ADAMTSL1: variants seen among roughly 807,000 people sequenced by gnomAD.
The protein encoded by ADAMTSL1 is ADAMTS like 1.
In ADAMTSL1, 126 loss-of-function variants were observed where a neutral mutation model predicts 201.8. That is an observed-to-expected ratio of 0.62 (90% confidence interval 0.54 to 0.72). The LOEUF is 0.72. Ranked by LOEUF, ADAMTSL1 falls within the 30% of genes least tolerant of loss-of-function variation. The pLI, the probability that ADAMTSL1 is intolerant of heterozygous loss-of-function variation, is 0.00. For synonymous variants in ADAMTSL1, 1,121 were observed against 903.4 expected, an observed-to-expected ratio of 1.24 and a Z score of -4.32; for missense variants, 2,679 against 2,277.8, an observed-to-expected ratio of 1.18 and a Z score of -3.59.
intron 14 of ADAMTSL1, 107 bp downstream of exon 14, chr9:18,707,155 G>A (rs1832280876): frequency 3.0e-6 from 4 of 1,348,090 alleles, no homozygotes; most frequent in Admixed American, 2.5e-5. Context: ...ATGATAAGCA[G>A]GAGGAGGAGG....
At chr9:18,057,742 A>T (rs1822262480) in intron 1 of ADAMTSL1, among the ~76,000 whole-genome samples, 1 of 152,188 alleles carries the variant, frequency 6.6e-6, no homozygotes, top group South Asian at 2.1e-4. Flanking sequence ...TTTCTGCCTC[A>T]GACTCTTTGC....
At chr9:18,034,835 T>A (rs1476426086) in intron 1 of ADAMTSL1, among the ~76,000 whole-genome samples, 1 of 152,220 alleles carries the variant, frequency 6.6e-6, no homozygotes, top group African/African-American at 2.4e-5. Flanking sequence ...CTTATTTTTA[T>A]AAAGGAAAAG....
At chr9:18,649,717 T>G (rs79028155) in intron 7 of ADAMTSL1, among the ~76,000 whole-genome samples, 2 of 152,128 alleles carry the variant, frequency 1.3e-5, no homozygotes, top group Admixed American at 1.3e-4. Flanking sequence ...TTCATGAACC[T>G]CAAATGCTGC....
At chr9:18,855,799 C>A (rs148077133) in intron 23 of ADAMTSL1, among the ~76,000 whole-genome samples, 1 of 152,164 alleles carries the variant, frequency 6.6e-6, no homozygotes. Flanking sequence ...ATTCATTCAA[C>A]GCCCTGTCTA....
chr9:18,087,298 A>AT (rs1161389396), intron 1 of ADAMTSL1, among the ~76,000 whole-genome samples: 1 of 152,160 alleles, frequency 6.6e-6, no homozygotes, highest in Non-Finnish European at 1.5e-5. Flanking sequence ...ATATTTAACA[A>AT]TGAGTGTATT....
At chr9:18,063,709 C>T (rs2131707514) in intron 1 of ADAMTSL1, among the ~76,000 whole-genome samples, 1 of 152,284 alleles carries the variant, frequency 6.6e-6, no homozygotes, top group East Asian at 1.9e-4. Flanking sequence ...CACAGGCAGC[C>T]TACTTCAGTT....
chr9:18,077,753 A>T (rs956167870), intron 1 of ADAMTSL1, among the ~76,000 whole-genome samples: 9 of 152,210 alleles, frequency 5.9e-5, no homozygotes, highest in Non-Finnish European at 1.3e-4. Flanking sequence ...CTTTAAAAAA[A>T]ATGCATATTT....
At chr9:18,004,543 G>A (rs1361985300) in intron 1 of ADAMTSL1, among the ~76,000 whole-genome samples, 3 of 152,044 alleles carry the variant, frequency 2.0e-5, no homozygotes, top group African/African-American at 7.2e-5. Flanking sequence ...TTGCATGTGT[G>A]TGTCACACAC....
At chr9:18,457,166 C>G (rs550763936) in intron 2 of ADAMTSL1, among the ~76,000 whole-genome samples, 1 of 151,992 alleles carries the variant, frequency 6.6e-6, no homozygotes, top group African/African-American at 2.4e-5. Context: ...AGTGCTGAAG[C>G]CTTCCCAGTT....
chr9:18,328,163 G>A (rs960688766), intron 2 of ADAMTSL1, among the ~76,000 whole-genome samples: 4 of 152,224 alleles, frequency 2.6e-5, no homozygotes, highest in Non-Finnish European at 5.9e-5. Context: ...TTTGCACAAA[G>A]TGCTTGCCTG....
intron 23 of ADAMTSL1, among the ~76,000 whole-genome samples, chr9:18,853,767 T>G (rs1826655105): frequency 6.6e-6 from 1 of 152,106 alleles, no homozygotes; most frequent in African/African-American, 2.4e-5. Flanking sequence ...CTGTCTTAAT[T>G]TTCTCACTGT....
intron 1 of ADAMTSL1, among the ~76,000 whole-genome samples, chr9:18,155,912 GA>G (rs1055653378): frequency 2.6e-5 from 4 of 152,140 alleles, no homozygotes; most frequent in African/African-American, 9.6e-5. Context: ...GATTTACTGG[GA>G]AAAAAGGTGA....
intron 1 of ADAMTSL1, among the ~76,000 whole-genome samples, chr9:18,045,770 G>T (rs557267010): frequency 6.6e-6 from 1 of 151,580 alleles, no homozygotes; most frequent in East Asian, 2.0e-4. Flanking sequence ...AAGTTGTGTG[G>T]CCTTTTTCTA....
intron 1 of ADAMTSL1, among the ~76,000 whole-genome samples, chr9:17,983,900 C>A (rs974315114): frequency 6.6e-6 from 1 of 151,782 alleles, no homozygotes; most frequent in African/African-American, 2.4e-5. Flanking sequence ...TTAAATGAGA[C>A]CAAATGTTAA....
At chr9:18,604,798 G>A (rs778090008) in intron 4 of ADAMTSL1, among the ~76,000 whole-genome samples, 2 of 152,078 alleles carry the variant, frequency 1.3e-5, no homozygotes, top group Non-Finnish European at 1.5e-5. Flanking sequence ...ACAGAATCAC[G>A]TGGTAATTGC....
intron 15 of ADAMTSL1, among the ~76,000 whole-genome samples, chr9:18,724,470 T>C (rs1041228163): frequency 1.3e-5 from 2 of 152,218 alleles, no homozygotes; most frequent in Non-Finnish European, 1.5e-5. Flanking sequence ...TTATTCACAA[T>C]AGGAAGATGT....
intron 3 of ADAMTSL1, among the ~76,000 whole-genome samples, chr9:18,561,382 C>T (rs1384466095): frequency 2.0e-5 from 3 of 152,184 alleles, no homozygotes; most frequent in Non-Finnish European, 4.4e-5. Context: ...TTTGATTGCA[C>T]TGTGGTCTGA....
At chr9:18,061,281 T>C (rs931553364) in intron 1 of ADAMTSL1, among the ~76,000 whole-genome samples, 1 of 152,196 alleles carries the variant, frequency 6.6e-6, no homozygotes, top group Admixed American at 6.5e-5. Flanking sequence ...TATGAAATGC[T>C]CTGATGGTTA....
chr9:18,080,209 A>G (rs1823430263), intron 1 of ADAMTSL1, among the ~76,000 whole-genome samples: 2 of 152,224 alleles, frequency 1.3e-5, no homozygotes, highest in Admixed American at 1.3e-4. Context: ...AAAAGTCCTC[A>G]GTGAACAAAG....
Sources: allele counts gnomAD v4.1 joint callset (sites outside exome capture counted in the v4.1 genomes callset), GRCh38; gene constraint gnomAD v4.1.1; transcripts MANE v1.5; gene names NCBI Gene and HGNC (gene_info 2026-07-23, HGNC 2026-07-21).